SGCZ: variants seen among roughly 807,000 people sequenced by gnomAD.
SGCZ encodes zeta-sarcoglycan.
In SGCZ, 40 loss-of-function variants were observed where a neutral mutation model predicts 41.3. The observed-to-expected ratio is 0.97, with a 90% CI of 0.75 to 1.26. The LOEUF is 1.26. Among genes scored for constraint, SGCZ ranks in the 50% most tolerant of loss-of-function variants. The pLI, the probability that SGCZ is intolerant of heterozygous loss-of-function variation, is 0.00. For missense variants in SGCZ, 552 were observed against 369.8 expected, an observed-to-expected ratio of 1.49 and a Z score of -4.04; for synonymous variants, 206 against 137.5, an observed-to-expected ratio of 1.50 and a Z score of -3.49.
intron 4 of SGCZ, among the ~76,000 whole-genome samples, chr8:14,214,779 C>T (rs1298579670): frequency 6.6e-6 from 1 of 151,738 alleles, no homozygotes; most frequent in Non-Finnish European, 1.5e-5. Context: ...AAAAAAAGGA[C>T]ATTATATAAT....
At chr8:14,201,536 A>C (rs751556413) in intron 4 of SGCZ, among the ~76,000 whole-genome samples, 13 of 152,198 alleles carry the variant, frequency 8.5e-5, no homozygotes, top group Non-Finnish European at 1.9e-4. Flanking sequence ...CAAAGGCTAC[A>C]TATTGTGTGA....
At chr8:14,393,274 TAACA>T (rs925969629) in intron 2 of SGCZ, among the ~76,000 whole-genome samples, 2 of 152,118 alleles carry the variant, frequency 1.3e-5, no homozygotes, top group Non-Finnish European at 2.9e-5. Flanking sequence ...AATCATTTTC[TAACA>T]AAAAGCAGCC....
intron 1 of SGCZ, among the ~76,000 whole-genome samples, chr8:14,688,994 GA>G (rs912575464): frequency 6.6e-6 from 1 of 151,746 alleles, no homozygotes; most frequent in Non-Finnish European, 1.5e-5. Flanking sequence ...GCCAAATCAT[GA>G]AAAAAATATA....
chr8:14,672,546 T>G (rs1426025436), intron 1 of SGCZ, among the ~76,000 whole-genome samples: 1 of 152,198 alleles, frequency 6.6e-6, no homozygotes, highest in Non-Finnish European at 1.5e-5. Context: ...TGCTCTTAAA[T>G]CATGTAGCCA....
intron 1 of SGCZ, among the ~76,000 whole-genome samples, chr8:14,948,649 T>G (rs1203031501): frequency 6.6e-6 from 1 of 152,158 alleles, no homozygotes; most frequent in Non-Finnish European, 1.5e-5. Context: ...CCTGCCAAGG[T>G]CACTAACTAC....
At chr8:15,068,115 T>C (rs183338138) in intron 1 of SGCZ, among the ~76,000 whole-genome samples, 35 of 152,292 alleles carry the variant, frequency 2.3e-4, no homozygotes, top group African/African-American at 7.5e-4. Flanking sequence ...AAATCAAATC[T>C]TCATGAACTT....
At chr8:14,186,122 G>C (rs912945059) in intron 4 of SGCZ, among the ~76,000 whole-genome samples, 2 of 152,150 alleles carry the variant, frequency 1.3e-5, no homozygotes, top group African/African-American at 4.8e-5. Context: ...TCTACTACTA[G>C]AGTTCCTTGT....
intron 1 of SGCZ, among the ~76,000 whole-genome samples, chr8:14,875,504 G>T (rs1804321935): frequency 6.6e-6 from 1 of 152,162 alleles, no homozygotes; most frequent in Admixed American, 6.6e-5. Context: ...CAGCGTCAGG[G>T]AGCAGATAGA....
chr8:14,405,566 G>T (rs1209789479), intron 2 of SGCZ, among the ~76,000 whole-genome samples: 1 of 151,734 alleles, frequency 6.6e-6, no homozygotes, highest in South Asian at 2.1e-4. Context: ...CAAGAATTAT[G>T]CTTGCCTATG....
intron 5 of SGCZ, among the ~76,000 whole-genome samples, chr8:14,116,136 G>A (rs1802514654): frequency 6.6e-6 from 1 of 151,936 alleles, no homozygotes; most frequent in Non-Finnish European, 1.5e-5. Context: ...ATTGTCTTTG[G>A]GGGCTTCAAA....
chr8:14,322,751 C>T (rs1283342987), intron 3 of SGCZ, among the ~76,000 whole-genome samples: 2 of 152,064 alleles, frequency 1.3e-5, no homozygotes, highest in Non-Finnish European at 2.9e-5. Flanking sequence ...CTATGTTTAG[C>T]AGTTTCTTGA....
At chr8:14,837,095 C>T (rs1464646388) in intron 1 of SGCZ, among the ~76,000 whole-genome samples, 1 of 152,158 alleles carries the variant, frequency 6.6e-6, no homozygotes, top group Admixed American at 6.5e-5. Flanking sequence ...TTGCCAGACA[C>T]AAATTTTGTC....
chr8:14,742,688 G>A (rs893122404), intron 1 of SGCZ, among the ~76,000 whole-genome samples: 4 of 151,996 alleles, frequency 2.6e-5, no homozygotes, highest in African/African-American at 9.7e-5. Context: ...GTGTACTTAA[G>A]GAAAGGGAAG....
At chr8:14,322,578 C>A (rs188254169) in intron 3 of SGCZ, among the ~76,000 whole-genome samples, 28 of 152,178 alleles carry the variant, frequency 1.8e-4, no homozygotes, top group Admixed American at 1.6e-3. Context: ...TACAACCTGC[C>A]TGCTGGTAGA....
chr8:15,070,942 A>G (rs1417777679), intron 1 of SGCZ, among the ~76,000 whole-genome samples: 1 of 152,178 alleles, frequency 6.6e-6, no homozygotes, highest in East Asian at 1.9e-4. Context: ...TAAGTGGAGA[A>G]ATAATCTCTT....
chr8:14,118,884 T>G (rs953646061), intron 5 of SGCZ, among the ~76,000 whole-genome samples: 1 of 152,224 alleles, frequency 6.6e-6, no homozygotes, highest in Admixed American at 6.5e-5. Flanking sequence ...ATGTGTGGTG[T>G]TATTTCCGAA....
intron 5 of SGCZ, among the ~76,000 whole-genome samples, chr8:14,122,490 G>C (rs1203551067): frequency 6.6e-6 from 1 of 152,188 alleles, no homozygotes; most frequent in East Asian, 1.9e-4. Flanking sequence ...AGTCCATGTA[G>C]GTTCATTGTA....
At chr8:14,632,841 T>C (rs571020367) in intron 1 of SGCZ, among the ~76,000 whole-genome samples, 1 of 152,046 alleles carries the variant, frequency 6.6e-6, no homozygotes, top group African/African-American at 2.4e-5. Context: ...ATAGAGGAAA[T>C]AGAAATAAAT....
At chr8:14,819,131 T>A (rs556469940) in intron 1 of SGCZ, among the ~76,000 whole-genome samples, 3 of 144,398 alleles carry the variant, frequency 2.1e-5, no homozygotes, top group East Asian at 2.0e-4. Flanking sequence ...GACAGAATTC[T>A]AAAAAAAAAA....
Sources: gnomAD v4.1 joint callset for allele counts (sites outside exome capture counted in the v4.1 genomes callset) on GRCh38, gnomAD v4.1.1 for gene constraint, MANE v1.5 for transcripts, NCBI Gene and HGNC (gene_info 2026-07-23, HGNC 2026-07-21) for gene names.